The following PEX5L variants were observed in gnomAD, a reference collection of about 807,000 sequenced individuals.
PEX5L encodes PEX5-related protein.
Under a neutral mutation model 84.0 loss-of-function variants are expected in PEX5L, and 30 were observed. The ratio of observed to expected loss-of-function variants is 0.36; its 90% confidence interval spans 0.27 to 0.48. PEX5L has a LOEUF of 0.48. PEX5L is among the 20% of genes least tolerant of loss of function. The pLI, the probability that PEX5L is intolerant of heterozygous loss-of-function variation, is 0.99. For synonymous variants in PEX5L, 270 were observed against 283.1 expected (o/e 0.95, Z 0.46); for missense variants, 533 against 754.6 (o/e 0.71, Z 3.44).
At chr3:179,877,072 T>C (rs68002771) in intron 5 of PEX5L, among the ~76,000 whole-genome samples, 27,770 of 152,216 alleles carry the variant, frequency 0.18, 2,754 homozygotes, top group South Asian at 0.32. Context: ...ACTTATCACA[T>C]GAAGTCAAGT....
Position 179,864,490 on chromosome 3 carries a change from T to C in PEX5L, c.727-5333A>G, listed in dbSNP as rs544024107. 3.9e-5 allele frequency among the ~76,000 whole-genome samples: 6 copies of C among 152,130 alleles called. No individual in the cohort carries two copies. The South Asian group carries it at 8.3e-4, about 21-fold the overall frequency. ...GTGGAATCGAAAAAACTTGAACCCA[T>C]AGAAGCAGAGTAGAATGGTGGTTAC... On this transcript the variant is annotated intron_variant, in intron 7 of 14. Transcript: ENST00000467460.
intron 8 of PEX5L, among the ~76,000 whole-genome samples, chr3:179,838,985 ACTAAT>A (rs1736025084): frequency 6.6e-6 from 1 of 152,054 alleles, no homozygotes; most frequent in African/African-American, 2.4e-5. Flanking sequence ...CAATCTCTAA[ACTAAT>A]CAGCAAATCC....
chr3:179,929,173 AT>A (rs958665169), intron 2 of PEX5L, among the ~76,000 whole-genome samples: 4 of 151,594 alleles, frequency 2.6e-5, no homozygotes, highest in East Asian at 1.9e-4. Context: ...AGAAACCCTG[AT>A]TTTTTTTTAA....
intron 2 of PEX5L, among the ~76,000 whole-genome samples, chr3:179,965,993 T>A (rs897985019): frequency 3.9e-5 from 6 of 152,230 alleles, no homozygotes; most frequent in African/African-American, 1.4e-4. Flanking sequence ...TGGGATTGAT[T>A]GGACTGCAAC....
chr3:179,934,562 G>A (rs2109683681), intron 2 of PEX5L, among the ~76,000 whole-genome samples: 1 of 152,282 alleles, frequency 6.6e-6, no homozygotes, highest in East Asian at 1.9e-4. Flanking sequence ...TGAAATTACA[G>A]AATGGCAAAC....
intron 1 of PEX5L, among the ~76,000 whole-genome samples, chr3:179,993,153 G>A (rs1453509361): frequency 2.0e-5 from 3 of 152,124 alleles, no homozygotes; most frequent in Non-Finnish European, 2.9e-5. Context: ...ACATTTTGGT[G>A]TATGCTCTTC....
chr3:179,936,728 A>G (rs1774723968), intron 2 of PEX5L, among the ~76,000 whole-genome samples: 1 of 103,568 alleles, frequency 9.7e-6, no homozygotes, highest in Non-Finnish European at 2.1e-5. Context: ...GTCACCAAGG[A>G]GAAGAGTCAA....
intron 1 of PEX5L, among the ~76,000 whole-genome samples, chr3:179,995,270 A>C (rs1787784243): frequency 6.6e-6 from 1 of 150,420 alleles, no homozygotes; most frequent in Admixed American, 6.7e-5. Context: ...ATATGTATAT[A>C]GTTCTCTCCC....
chr3:179,874,653 G>T (rs1411339722), intron 6 of PEX5L, among the ~76,000 whole-genome samples: 1 of 144,246 alleles, frequency 6.9e-6, no homozygotes, highest in Non-Finnish European at 1.5e-5. Flanking sequence ...AATTCAGTTC[G>T]ATTATGGGCA....
At position 179,959,890 on chromosome 3, in the gene PEX5L, C is replaced by T. The variant is rs1781584905; in HGVS notation, c.93+11704G>A. Reference sequence around the variant, plus strand: ...TAGAACTATAGCAGGTATTACTGTACTCAGTGTAACTATGTGTTTTCCTCC... The same window carrying T: ...TAGAACTATAGCAGGTATTACTGTATTCAGTGTAACTATGTGTTTTCCTCC... On this transcript the variant is annotated intron_variant, in intron 2 of 14. Transcript: ENST00000467460. Among the ~76,000 whole-genome samples, 4 of 152,156 alleles carry T rather than the reference C, an allele frequency of 2.6e-5. No homozygotes were observed. The South Asian group carries it at 8.3e-4, about 32-fold the overall frequency.
intron 2 of PEX5L, among the ~76,000 whole-genome samples, chr3:179,905,927 G>C (rs1028461011): frequency 1.2e-4 from 19 of 152,152 alleles, no homozygotes; most frequent in African/African-American, 4.1e-4. Flanking sequence ...ATATGTACTG[G>C]ATATCTTTTT....
intron 2 of PEX5L, among the ~76,000 whole-genome samples, chr3:179,915,834 T>G (rs911013719): frequency 6.6e-6 from 1 of 152,174 alleles, no homozygotes; most frequent in Non-Finnish European, 1.5e-5. Context: ...GCAAACTTAT[T>G]TGAAGAGTGT....
In PEX5L at chr3:179,968,466, T is replaced by C. The variant is rs572991840; in HGVS notation, c.93+3128A>G. On this transcript the variant is annotated intron_variant, in intron 2 of 14. Transcript: ENST00000467460. The stretch of plus-strand genomic sequence containing the variant: ...CTTCACAAATAATAAAAATATGCCA[T>C]AATAGATGTTTAAAATTTATCTTTT... Among the ~76,000 whole-genome samples, 9 of 152,280 alleles carry C rather than the reference T, an allele frequency of 5.9e-5. No homozygotes were observed. In the South Asian group the frequency reaches 1.2e-3, roughly 21 times the overall value.
intron 1 of PEX5L, among the ~76,000 whole-genome samples, chr3:179,985,184 T>C (rs1251370543): frequency 1.3e-5 from 2 of 152,200 alleles, no homozygotes; most frequent in African/African-American, 4.8e-5. Flanking sequence ...GGAAATAATA[T>C]ATTCCAAGGC....
At chr3:179,888,000 C>T in intron 3 of PEX5L, 1 of 735,834 alleles carries the variant, frequency 1.4e-6, no homozygotes, top group Non-Finnish European at 2.2e-6. Flanking sequence ...CAGCCAACTT[C>T]AATGTTTAAA....
At chr3:179,934,789 C>G (rs1433742040) in intron 2 of PEX5L, among the ~76,000 whole-genome samples, 1 of 152,124 alleles carries the variant, frequency 6.6e-6, no homozygotes, top group Admixed American at 6.5e-5. Context: ...TGTTTGGAAA[C>G]TATAATCTCA....
intron 2 of PEX5L, among the ~76,000 whole-genome samples, chr3:179,907,513 T>C (rs1763678283): frequency 6.6e-6 from 1 of 152,066 alleles, no homozygotes; most frequent in Non-Finnish European, 1.5e-5. Context: ...GGAGTCTCGC[T>C]ATGTTGCCCA....
At chr3:180,026,508 A>G (rs1790972921) in intron 1 of PEX5L, among the ~76,000 whole-genome samples, 1 of 152,202 alleles carries the variant, frequency 6.6e-6, no homozygotes, top group Non-Finnish European at 1.5e-5. Flanking sequence ...ATTAAGGTAT[A>G]TGATATGTAT....
chr3:179,901,755 T>C (rs768064159), intron 2 of PEX5L, among the ~76,000 whole-genome samples: 2 of 152,240 alleles, frequency 1.3e-5, no homozygotes, highest in African/African-American at 2.4e-5. Context: ...TTAGGAAATA[T>C]ACAGAATGAC....
Sources: allele counts gnomAD v4.1 joint callset (sites outside exome capture counted in the v4.1 genomes callset), GRCh38; gene constraint gnomAD v4.1.1; transcripts MANE v1.5; gene names NCBI Gene and HGNC (gene_info 2026-07-23, HGNC 2026-07-21).